Variants in RPTOR observed in about 807,000 individuals in gnomAD.
RPTOR encodes regulatory associated protein of MTOR complex 1.
In RPTOR, 21 loss-of-function variants were observed where a neutral mutation model predicts 169.9. The observed-to-expected ratio is 0.12, with a 90% CI of 0.09 to 0.18. The LOEUF (loss-of-function observed/expected upper bound fraction) is 0.18, where lower values mean the gene tolerates loss of function less well. Ranked by LOEUF, RPTOR falls within the 10% of genes least tolerant of loss-of-function variation. The probability of loss-of-function intolerance (pLI) is 1.00; values close to 1 mark genes in which losing one functional copy is unlikely to be tolerated. For synonymous variants in RPTOR, 732 were observed against 753.2 expected, an observed-to-expected ratio of 0.97 and a Z score of 0.46; for missense variants, 1,133 against 1,855.9, an observed-to-expected ratio of 0.61 and a Z score of 7.16.
At chr17:80,549,463 CCAT>C (rs1306643120) in intron 1 of RPTOR, among the ~76,000 whole-genome samples, 3 of 152,184 alleles carry the variant, frequency 2.0e-5, no homozygotes, top group Non-Finnish European at 4.4e-5. Context: ...GTGCCCACCA[CCAT>C]GCCTGGCCAA....
At chr17:80,634,592 GTGTGTGCGTAC>G (rs1230249363) in intron 2 of RPTOR, among the ~76,000 whole-genome samples, 8 of 47,324 alleles carry the variant, frequency 1.7e-4, no homozygotes, top group East Asian at 6.7e-4. Flanking sequence ...TGCGTACTGT[GTGTGTGCGTAC>G]TGTGTGTGTA....
intron 13 of RPTOR, among the ~76,000 whole-genome samples, chr17:80,864,616 G>A (rs764188255): frequency 2.0e-4 from 30 of 151,724 alleles, no homozygotes; most frequent in East Asian, 5.8e-4. Context: ...GCTTATCCCC[G>A]GCAGATCCAC....
At chr17:80,763,355 A>T (rs1444916448) in intron 6 of RPTOR, among the ~76,000 whole-genome samples, 6 of 152,246 alleles carry the variant, frequency 3.9e-5, no homozygotes, top group Non-Finnish European at 4.4e-5. Context: ...GGCCAGTCCC[A>T]ATATGACTTA....
intron 3 of RPTOR, among the ~76,000 whole-genome samples, chr17:80,698,979 A>G (rs2143041306): frequency 1.3e-5 from 2 of 152,344 alleles, no homozygotes; most frequent in South Asian, 4.1e-4. Flanking sequence ...TGATTCCCCC[A>G]GCATCTGCCT....
chr17:80,962,890 A>C (rs1303714763), intron 32 of RPTOR, 38 bp from the exon 33 acceptor site: 1 of 1,611,366 alleles, frequency 6.2e-7, no homozygotes, highest in East Asian at 2.2e-5. Flanking sequence ...TCCTCAAAGA[A>C]GAGGGCAGTG....
chr17:80,827,594 C>A (rs1020687199), intron 9 of RPTOR, among the ~76,000 whole-genome samples: 5 of 152,208 alleles, frequency 3.3e-5, no homozygotes, highest in African/African-American at 9.6e-5. Context: ...CCTGCACCCC[C>A]AGGGAGGGGC....
intron 1 of RPTOR, among the ~76,000 whole-genome samples, chr17:80,579,606 C>T (rs560208700): frequency 4.6e-5 from 7 of 152,364 alleles, no homozygotes; most frequent in Admixed American, 2.6e-4. Flanking sequence ...CTAGTCTTTT[C>T]TCTCTCCCAG....
At chr17:80,742,849 CAT>C (rs1354379873) in intron 5 of RPTOR, among the ~76,000 whole-genome samples, 3 of 152,024 alleles carry the variant, frequency 2.0e-5, no homozygotes, top group Admixed American at 6.5e-5. Flanking sequence ...TAAACATACA[CAT>C]ATACATGTGC....
intron 3 of RPTOR, among the ~76,000 whole-genome samples, chr17:80,662,030 C>CT (rs1198530551): frequency 6.6e-6 from 1 of 152,264 alleles, no homozygotes; most frequent in East Asian, 1.9e-4. Flanking sequence ...TTTCTAAAAA[C>CT]TTTTTTCCAG....
chr17:80,680,848 C>T (rs373604444), intron 3 of RPTOR, among the ~76,000 whole-genome samples: 55 of 152,238 alleles, frequency 3.6e-4, no homozygotes, highest in Middle Eastern at 3.4e-3. Flanking sequence ...CCACGTCGCA[C>T]GTATGTGCTG....
chr17:80,961,306 C>A, intron 30 of RPTOR, 88 bp from the exon 31 acceptor site: 1 of 1,280,240 alleles, frequency 7.8e-7, no homozygotes, highest in Non-Finnish European at 1.1e-6. Context: ...CTGGCACAGG[C>A]AGACCTGGGC....
Position 80,708,625 on chromosome 17 carries a change from C to G in RPTOR, c.507+626C>G, listed in dbSNP as rs1362625374. The stretch of plus-strand genomic sequence containing the variant: ...CCAGGGTGTGGTGGGTGCTGACTGT[C>G]TCCTCATCCTCCAGGGTGTGGTGGG... On this transcript the variant is annotated intron_variant, in intron 4 of 33. Coordinates refer to ENST00000306801, the MANE Select transcript of RPTOR (RefSeq NM_020761.3). The surrounding 1 kb of genome is among the most constrained non-coding windows in gnomAD (Gnocchi z 4.2). Among the ~76,000 whole-genome samples, 10,759 of 111,314 alleles carry G rather than the reference C, an allele frequency of 0.097. 721 individuals are homozygous for G. Among genetic ancestry groups the G allele is most frequent in the African/African-American group, 0.22 (4,346 of 19,434 alleles). The allele number at this position is 111,314 out of a possible 152,430, so 73.0% of individuals were successfully genotyped here.
intron 2 of RPTOR, among the ~76,000 whole-genome samples, chr17:80,638,434 C>T (rs553136406): frequency 7.8e-5 from 9 of 116,006 alleles, no homozygotes; most frequent in East Asian, 2.5e-4. Flanking sequence ...TTTTTTGAGA[C>T]GGAGTCACAT....
At chr17:80,676,758 G>A (rs532726793) in intron 3 of RPTOR, among the ~76,000 whole-genome samples, 15 of 152,322 alleles carry the variant, frequency 9.8e-5, no homozygotes, top group South Asian at 2.1e-4. Flanking sequence ...CAGCAGAACC[G>A]GGCAGGCCTC....
At chr17:80,672,497 A>G (rs888765550) in intron 3 of RPTOR, among the ~76,000 whole-genome samples, 9 of 152,082 alleles carry the variant, frequency 5.9e-5, no homozygotes, top group African/African-American at 2.2e-4. Context: ...AATAAAAAAC[A>G]AACTTCTCAG....
rs139293840 is a variant in RPTOR, at chr17:80,556,559, G to A, written c.162+10768G>A. On this transcript the variant is annotated intron_variant, in intron 1 of 33. Transcript: ENST00000306801. ...AAACCTTGGGAGCCACAAAAGAGGC[G>A]GCTGCAGTAGGAATGGACGATAGAG... 4.9e-4 allele frequency among the ~76,000 whole-genome samples: 75 copies of A among 152,188 alleles called. No homozygotes were observed. The East Asian group carries it at 9.3e-3, about 19-fold the overall frequency.
intron 1 of RPTOR, among the ~76,000 whole-genome samples, chr17:80,549,903 G>A (rs187394311): frequency 1.3e-5 from 2 of 152,208 alleles, no homozygotes; most frequent in African/African-American, 2.4e-5. Flanking sequence ...CCACTGACAG[G>A]CATCCTATGT....
chr17:80,604,252 T>C (rs186573252), intron 1 of RPTOR, among the ~76,000 whole-genome samples: 1 of 152,386 alleles, frequency 6.6e-6, no homozygotes, highest in African/African-American at 2.4e-5. Flanking sequence ...AAAAAACTTA[T>C]TAGAATTGTA....
intron 10 of RPTOR, among the ~76,000 whole-genome samples, chr17:80,843,135 C>T (rs971964535): frequency 6.6e-6 from 1 of 152,162 alleles, no homozygotes; most frequent in African/African-American, 2.4e-5. Context: ...CTGCAAAGAA[C>T]CTGCTGGATT....
Sources: gnomAD v4.1 joint callset for allele counts (sites outside exome capture counted in the v4.1 genomes callset) on GRCh38, gnomAD v4.1.1 for gene constraint, Gnocchi (gnomAD v3.1) non-coding constraint, MANE v1.5 for transcripts, NCBI Gene and HGNC (gene_info 2026-07-23, HGNC 2026-07-21) for gene names.